Variants in ENTREP2 observed in about 807,000 individuals in gnomAD.
The protein encoded by ENTREP2 is endosomal transmembrane epsin interactor 2.
the ENTREP2 span, among the ~76,000 whole-genome samples, chr15:29,516,968 CAAAAAAA>C: frequency 1.1e-5 from 1 of 88,660 alleles, no homozygotes; most frequent in African/African-American, 4.5e-5. Flanking sequence ...AATTATGAGC[CAAAAAAA>C]AAAAAAAAAA....
At chr15:29,321,695 T>C in the ENTREP2 span, among the ~76,000 whole-genome samples, 2 of 151,790 alleles carry the variant, frequency 1.3e-5, no homozygotes. Flanking sequence ...ATAAAGACTT[T>C]TTCGGAGAAA....
At chr15:29,210,483 C>T in the ENTREP2 span, among the ~76,000 whole-genome samples, 1 of 152,218 alleles carries the variant, frequency 6.6e-6, no homozygotes, top group African/African-American at 2.4e-5. Flanking sequence ...CGCCTCCTGT[C>T]AGATCATCAG....
chr15:29,565,586 G>C, the ENTREP2 span, among the ~76,000 whole-genome samples: 1 of 152,168 alleles, frequency 6.6e-6, no homozygotes, highest in South Asian at 2.1e-4. Flanking sequence ...GGGAATATTC[G>C]TTATACATTA....
the ENTREP2 span, among the ~76,000 whole-genome samples, chr15:29,587,138 C>CGTGTGTGTGTGTGTGTGTGTGTGT: frequency 8.1e-6 from 1 of 123,972 alleles, no homozygotes; most frequent in Non-Finnish European, 1.8e-5. Context: ...TGTAGCTAAC[C>CGTGTGTGTGTGTGTGTGTGTGTGT]GTGTGTGTGT....
the ENTREP2 span, among the ~76,000 whole-genome samples, chr15:29,409,540 G>C: frequency 6.6e-6 from 1 of 151,864 alleles, no homozygotes; most frequent in African/African-American, 2.4e-5. Flanking sequence ...GGCCAGGCTG[G>C]TCTCGAACTC....
the ENTREP2 span, among the ~76,000 whole-genome samples, chr15:29,444,091 A>G: frequency 6.6e-6 from 1 of 152,100 alleles, no homozygotes; most frequent in East Asian, 1.9e-4. Flanking sequence ...CGACAGAGCA[A>G]GACTCCGTCT....
At chr15:29,431,778 AAC>A in the ENTREP2 span, among the ~76,000 whole-genome samples, 6 of 152,188 alleles carry the variant, frequency 3.9e-5, no homozygotes, top group African/African-American at 1.2e-4. Context: ...AAATTTAAAT[AAC>A]AGTTTTTCTA....
chr15:29,228,642 CTCACTT>C, the ENTREP2 span, among the ~76,000 whole-genome samples: 1 of 152,106 alleles, frequency 6.6e-6, no homozygotes, highest in African/African-American at 2.4e-5. Context: ...AAAAAGGACT[CTCACTT>C]TCATAAGTAG....
the ENTREP2 span, among the ~76,000 whole-genome samples, chr15:29,574,303 T>G: frequency 2.6e-5 from 4 of 152,108 alleles, no homozygotes; most frequent in African/African-American, 9.7e-5. Flanking sequence ...TCTTTGTTTT[T>G]GTTTTTTTAA....
At chr15:29,487,226 G>A in the ENTREP2 span, among the ~76,000 whole-genome samples, 1 of 152,142 alleles carries the variant, frequency 6.6e-6, no homozygotes, top group African/African-American at 2.4e-5. Context: ...TATGCATATG[G>A]GTGGGAATGT....
the ENTREP2 span, among the ~76,000 whole-genome samples, chr15:29,626,249 C>T: frequency 6.6e-6 from 1 of 152,150 alleles, no homozygotes; most frequent in Non-Finnish European, 1.5e-5. Flanking sequence ...TTGGCTGTGT[C>T]CCCACCCAAA....
the ENTREP2 span, among the ~76,000 whole-genome samples, chr15:29,659,494 T>C: frequency 2.6e-5 from 4 of 151,724 alleles, no homozygotes; most frequent in Admixed American, 2.6e-4. Context: ...ATAATAATAA[T>C]AATAATACAC....
At chr15:29,124,690 T>C in the ENTREP2 span, 1 of 1,550,336 alleles carries the variant, frequency 6.5e-7, no homozygotes, top group Non-Finnish European at 8.7e-7. Flanking sequence ...GTCTCACCGC[T>C]CCCAGGCACA....
At chr15:29,537,990 C>G in the ENTREP2 span, among the ~76,000 whole-genome samples, 1 of 152,166 alleles carries the variant, frequency 6.6e-6, no homozygotes, top group Non-Finnish European at 1.5e-5. Context: ...ATCCTTTCTA[C>G]AAAGGGGCCT....
At chr15:29,264,216 T>A in the ENTREP2 span, among the ~76,000 whole-genome samples, 6 of 100,008 alleles carry the variant, frequency 6.0e-5, no homozygotes, top group South Asian at 2.3e-3. Context: ...CAATAAATGA[T>A]GTTGGGGCAT....
chr15:29,654,517 A>G, the ENTREP2 span, among the ~76,000 whole-genome samples: 1 of 152,196 alleles, frequency 6.6e-6, no homozygotes, highest in Non-Finnish European at 1.5e-5. Flanking sequence ...ATTAATAAGA[A>G]CTTACATGAA....
the ENTREP2 span, among the ~76,000 whole-genome samples, chr15:29,640,685 A>G: frequency 6.6e-6 from 1 of 152,094 alleles, no homozygotes; most frequent in Non-Finnish European, 1.5e-5. Flanking sequence ...AAAAAACCAA[A>G]AAGAAAAGAA....
the ENTREP2 span, among the ~76,000 whole-genome samples, chr15:29,475,251 G>T: frequency 1.3e-5 from 2 of 152,254 alleles, no homozygotes; most frequent in African/African-American, 4.8e-5. Context: ...AACGCTGAGA[G>T]AGTACAGGCT....
chr15:29,478,784 A>C, the ENTREP2 span, among the ~76,000 whole-genome samples: 23 of 151,762 alleles, frequency 1.5e-4, no homozygotes, highest in Non-Finnish European at 2.8e-4. Context: ...GGGCGCCTAT[A>C]ATCCCAGCTA....
Sources: gnomAD v4.1 joint callset for allele counts (sites outside exome capture counted in the v4.1 genomes callset) on GRCh38, gnomAD v4.1.1 for gene constraint, MANE v1.5 for transcripts, NCBI Gene and HGNC (gene_info 2026-07-23, HGNC 2026-07-21) for gene names.